PPP2R1B: variants seen among roughly 807,000 people sequenced by gnomAD.
PPP2R1B encodes serine/threonine-protein phosphatase 2A 65 kDa regulatory subunit A beta isoform.
PPP2R1B carries 58 observed loss-of-function variants against 72.7 expected under a neutral mutation model. That is an observed-to-expected ratio of 0.80 (90% CI 0.65 to 0.99). The LOEUF (loss-of-function observed/expected upper bound fraction) is 0.99, where lower values mean the gene tolerates loss of function less well. Among genes scored for constraint, PPP2R1B ranks in the 50% least tolerant of loss-of-function variants. The pLI, the probability that PPP2R1B is intolerant of heterozygous loss-of-function variation, is 0.00. For synonymous variants in PPP2R1B, 256 were observed against 264.6 expected, an observed-to-expected ratio of 0.97 and a Z score of 0.32; for missense variants, 695 against 733.6, an observed-to-expected ratio of 0.95 and a Z score of 0.61.
rs1555048221 is a variant in PPP2R1B at position 111,752,286 on chromosome 11, T to C, written c.1211A>G (p.Asn404Ser). Residue 404 changes from asparagine (N) to serine (S), a missense_variant, in exon 10 of 15, where the codon AAT becomes AGT. Physicochemically the swap from Asn to Ser is conservative, Grantham distance 46 (BLOSUM62 1). Transcript: ENST00000527614. Reference sequence around the variant, plus strand: ...GAGCTGACGGATTCCAATCACTTCATTTACACAATCCAAATTGGAGATGAT... The same window carrying C: ...GAGCTGACGGATTCCAATCACTTCACTTACACAATCCAAATTGGAGATGAT... ...LNIISNLDCV[N>S]EVIGIRQLSQ... 8 of 1,613,924 alleles carry C rather than the reference T, an allele frequency of 5.0e-6. No individual in the cohort carries two copies. Among genetic ancestry groups the C allele is most frequent in the Non-Finnish European group, 6.8e-6 (8 of 1,179,948 alleles).
intron 11 of PPP2R1B, among the ~76,000 whole-genome samples, chr11:111,746,405 A>G (rs1172683099): frequency 1.8e-4 from 27 of 152,192 alleles, no homozygotes; most frequent in Admixed American, 1.6e-3. Context: ...GTTCTCACTA[A>G]TAAGTGGGAG....
At chr11:111,722,881 C>A, downstream of PPP2R1B, 1 of 830,462 alleles carries the variant, frequency 1.2e-6, no homozygotes, top group Non-Finnish European at 1.9e-6. This position sits in a 1 kb window ranked among gnomAD's most constrained non-coding sequence, Gnocchi z 4.4. Flanking sequence ...GCGTGTGTCA[C>A]AGGCCCTCTG....
chr11:111,753,031 T>C (rs1412415530), intron 9 of PPP2R1B, among the ~76,000 whole-genome samples: 2 of 152,164 alleles, frequency 1.3e-5, no homozygotes, highest in African/African-American at 4.8e-5. Flanking sequence ...AGGATTGTTG[T>C]GAGAATTGCA....
the PPP2R1B span, among the ~76,000 whole-genome samples, chr11:111,692,479 G>A: frequency 2.0e-5 from 3 of 151,364 alleles, no homozygotes; most frequent in Admixed American, 2.0e-4. Context: ...AAGGCTGAGA[G>A]GCCAGAGCGA....
At chr11:111,737,091 T>C (rs1944360794), downstream of PPP2R1B, among the ~76,000 whole-genome samples, 2 of 152,198 alleles carry the variant, frequency 1.3e-5, no homozygotes. Context: ...ACTTCTATAT[T>C]ATGTGAGGAA....
chr11:111,691,084 G>A, the PPP2R1B span, among the ~76,000 whole-genome samples: 61 of 152,296 alleles, frequency 4.0e-4, no homozygotes, highest in Non-Finnish European at 7.4e-4. Flanking sequence ...TTGCTTTGAC[G>A]TTATAACCAA....
chr11:111,738,673 A>C lies in PPP2R1B; in HGVS notation c.*2923T>G, dbSNP rs996641287. On this transcript the variant is annotated 3_prime_UTR_variant, in exon 15 of 15. Transcript: ENST00000527614. ...CTGAGGGCAGCCCGTTATTTCAACA[A>C]GACCTCGTTAGAAACCACATATTCA... The C allele has an allele frequency of 1.0e-6, 1 of 985,456 alleles. No homozygotes were observed. The highest frequency in any genetic ancestry group is 1.2e-6 in the Non-Finnish European group (1 of 829,950). 61.0% of individuals were successfully genotyped at this position (985,456 alleles called of 1,614,324 possible).
chr11:111,712,459 T>C, the PPP2R1B span: 19 of 1,422,648 alleles, frequency 1.3e-5, no homozygotes, highest in Middle Eastern at 4.0e-4. Context: ...TTTGGCTTTA[T>C]TGAACTTTAT....
At position 111,740,192 on chromosome 11, in the gene PPP2R1B, A is replaced by G. The variant is rs1188279658; in HGVS notation, c.*1404T>C. 1 of 985,292 alleles carries G rather than the reference A, an allele frequency of 1.0e-6. No homozygotes were observed. The highest frequency in any genetic ancestry group is 1.2e-6 in the Non-Finnish European group (1 of 829,898). The allele number at this position is 985,292 out of a possible 1,614,324, so 61.0% of individuals were successfully genotyped here. A position where few individuals can be genotyped will look rare whatever the true frequency, so the allele number is the denominator to read the frequency against. On this transcript the variant is annotated 3_prime_UTR_variant, in exon 15 of 15. Transcript: ENST00000527614. ...AAAACCCCCTTAACCAAAAGTCATG[A>G]GACAAGGTGAGTTTGATTATGTGAA... is the stretch of plus-strand genomic sequence containing the variant.
At chr11:111,754,662 T>C in intron 7 of PPP2R1B, 93 bp from the exon 8 acceptor site, 1 of 1,494,012 alleles carries the variant, frequency 6.7e-7, no homozygotes, top group Non-Finnish European at 8.9e-7. Context: ...ATAATTTCAA[T>C]TAAATTATAT....
At chr11:111,751,493 T>C (rs1471699990) in intron 10 of PPP2R1B, among the ~76,000 whole-genome samples, 1 of 152,230 alleles carries the variant, frequency 6.6e-6, no homozygotes, top group African/African-American at 2.4e-5. Context: ...CAAAACTTTT[T>C]GAGCACTGAT....
chr11:111,693,470 A>G, the PPP2R1B span, among the ~76,000 whole-genome samples: 1 of 152,210 alleles, frequency 6.6e-6, no homozygotes, highest in African/African-American at 2.4e-5. Flanking sequence ...GCTGAATGCA[A>G]ATACTGGCTT....
chr11:111,748,351 A>G (rs77641570), intron 10 of PPP2R1B, among the ~76,000 whole-genome samples: 2,005 of 152,364 alleles, frequency 0.013, 49 homozygotes, highest in African/African-American at 0.046. Context: ...AAAATGAATT[A>G]CCCAGGAAAA....
chr11:111,713,159 C>T, the PPP2R1B span, among the ~76,000 whole-genome samples: 1 of 151,438 alleles, frequency 6.6e-6, no homozygotes, highest in East Asian at 2.0e-4. Flanking sequence ...AGTGAGACTC[C>T]ATCTCAAAAA....
chr11:111,733,911 C>T (rs905561988), downstream of PPP2R1B, among the ~76,000 whole-genome samples: 5 of 152,146 alleles, frequency 3.3e-5, no homozygotes, highest in East Asian at 1.9e-4. Flanking sequence ...CCACCCAGCC[C>T]GGGAGCCACC....
At chr11:111,700,774 A>C in the PPP2R1B span, 1 of 1,312,444 alleles carries the variant, frequency 7.6e-7, no homozygotes, top group Non-Finnish European at 1.0e-6. Context: ...CCCAGTCCTC[A>C]CAGTAAATAG....
At position 111,739,508 on chromosome 11, in the gene PPP2R1B, G is replaced by A. The variant is rs1387942842; in HGVS notation, c.*2088C>T. ...GGTCACCACAAAAGACAGAGGCCCC[G>A]CTGAACCCCCGACCCATGCTTGAGA... On this transcript the variant is annotated 3_prime_UTR_variant, in exon 15 of 15. Coordinates refer to ENST00000527614, the MANE Select transcript of PPP2R1B (RefSeq NM_002716.5). 6 of 985,270 alleles carry A rather than the reference G, an allele frequency of 6.1e-6. No individual in the cohort carries two copies. Among genetic ancestry groups the A allele is most frequent in the Admixed American group, 6.2e-5 (1 of 16,250 alleles). 61.0% of individuals were successfully genotyped at this position (985,270 alleles called of 1,614,324 possible).
rs527850772 is a variant in PPP2R1B, at chr11:111,741,104, T to C, written c.*492A>G. ...CCATCATAATTCAGGAAAATGTGGC[T>C]TTCATTACGGTCAAATCTCAACATG... On this transcript the variant is annotated 3_prime_UTR_variant, in exon 15 of 15. Transcript: ENST00000527614. 1.0e-6 allele frequency: 1 copy of C among 987,758 alleles called. No individual in the cohort carries two copies. Among genetic ancestry groups the C allele is most frequent in the African/African-American group, 1.7e-5 (1 of 57,400 alleles). 61.2% of individuals were successfully genotyped at this position (987,758 alleles called of 1,614,324 possible). A position where few individuals can be genotyped will look rare whatever the true frequency, so the allele number is the denominator to read the frequency against.
rs571798900 is a variant in PPP2R1B, at chr11:111,739,936, T to C, written c.*1660A>G. The C allele has an allele frequency of 2.0e-6, 2 of 980,002 alleles. No individual in the cohort carries two copies. Among genetic ancestry groups the C allele is most frequent in the African/African-American group, 3.5e-5 (2 of 57,246 alleles). The allele number at this position is 980,002 out of a possible 1,614,324, so 60.7% of individuals were successfully genotyped here. ...GTTTAAAATGCAGACAGATAACCTC[T>C]GATTTACAATTTCTATTTTTCGAAT... On this transcript the variant is annotated 3_prime_UTR_variant, in exon 15 of 15. Transcript: ENST00000527614.
Sources: gnomAD v4.1 joint callset for allele counts (sites outside exome capture counted in the v4.1 genomes callset) on GRCh38, gnomAD v4.1.1 for gene constraint, Gnocchi (gnomAD v3.1) non-coding constraint, MANE v1.5 for transcripts, NCBI Gene and HGNC (gene_info 2026-07-23, HGNC 2026-07-21) for gene names.